Variants in CPNE4 observed in about 807,000 individuals in gnomAD.
CPNE4 encodes copine 4, also known as copine-4.
A neutral mutation model predicts 67.9 loss-of-function variants in CPNE4; 25 were observed. The ratio of observed to expected loss-of-function variants is 0.37; its 90% CI spans 0.27 to 0.51. The LOEUF (loss-of-function observed/expected upper bound fraction) is 0.51. CPNE4 is among the 20% of genes least tolerant of loss of function. The probability of loss-of-function intolerance (pLI) is 0.93; values close to 1 mark genes in which losing one functional copy is unlikely to be tolerated. For synonymous variants in CPNE4, 242 were observed against 244.9 expected (o/e 0.99, Z 0.11); for missense variants, 464 against 690.8 (o/e 0.67, Z 3.68).
At chr3:131,590,091 G>A (rs1005866654) in intron 7 of CPNE4, among the ~76,000 whole-genome samples, 7 of 152,048 alleles carry the variant, frequency 4.6e-5, no homozygotes, top group Non-Finnish European at 8.8e-5. Context: ...ATTTATATAC[G>A]TCACCCTTCC....
At chr3:131,833,473 C>G (rs761590246) in intron 2 of CPNE4, among the ~76,000 whole-genome samples, 5 of 152,154 alleles carry the variant, frequency 3.3e-5, no homozygotes, top group Non-Finnish European at 7.3e-5. Flanking sequence ...GCAGGCGGAT[C>G]ACTTGAGCCC....
intron 1 of CPNE4, among the ~76,000 whole-genome samples, chr3:131,978,448 A>T (rs796763423): frequency 1.0e-3 from 2 of 1,962 alleles, no homozygotes; most frequent in Admixed American, 3.5e-3. Flanking sequence ...ATATATATTT[A>T]TATATATATT....
At chr3:131,607,900 T>C (rs530109198) in intron 7 of CPNE4, among the ~76,000 whole-genome samples, 1 of 152,260 alleles carries the variant, frequency 6.6e-6, no homozygotes, top group Admixed American at 6.5e-5. Context: ...AAGGAAGCAG[T>C]CATTCTTAGG....
chr3:131,979,051 A>G (rs1003004977), intron 1 of CPNE4, among the ~76,000 whole-genome samples: 21 of 152,010 alleles, frequency 1.4e-4, no homozygotes, highest in African/African-American at 4.8e-4. Context: ...GTGGTCTGAG[A>G]GAGTGCTTGA....
At chr3:131,575,681 T>C (rs1041774898) in intron 9 of CPNE4, among the ~76,000 whole-genome samples, 3 of 152,166 alleles carry the variant, frequency 2.0e-5, no homozygotes, top group African/African-American at 7.2e-5. Context: ...TTTACCTCAT[T>C]TAATTCTCAG....
chr3:131,981,599 T>C (rs935801927), intron 1 of CPNE4, among the ~76,000 whole-genome samples: 1 of 152,172 alleles, frequency 6.6e-6, no homozygotes, highest in African/African-American at 2.4e-5. Context: ...TCCCCCGAGT[T>C]CTGGCCAGAA....
At chr3:131,895,415 C>T (rs1435639288) in intron 2 of CPNE4, among the ~76,000 whole-genome samples, 1 of 152,038 alleles carries the variant, frequency 6.6e-6, no homozygotes, top group Non-Finnish European at 1.5e-5. Context: ...GCATATACTA[C>T]TCTGACTGGA....
chr3:131,746,861 TG>T (rs1275078028), intron 2 of CPNE4, among the ~76,000 whole-genome samples: 4 of 152,194 alleles, frequency 2.6e-5, no homozygotes, highest in African/African-American at 9.6e-5. Flanking sequence ...TTTCCCATAA[TG>T]GCTGTATTAA....
intron 10 of CPNE4, among the ~76,000 whole-genome samples, chr3:131,565,077 T>C (rs948088206): frequency 2.6e-5 from 4 of 151,930 alleles, no homozygotes; most frequent in Non-Finnish European, 4.4e-5. Context: ...TAAGTAAACG[T>C]TGAGTCACTG....
intron 2 of CPNE4, among the ~76,000 whole-genome samples, chr3:131,751,775 G>GT (rs767616654): frequency 2.1e-4 from 23 of 109,812 alleles, no homozygotes; most frequent in African/African-American, 5.1e-4. Flanking sequence ...TTTTTTTTTT[G>GT]TTTTTTTGTT....
chr3:131,863,674 T>C (rs1025180005), intron 2 of CPNE4, among the ~76,000 whole-genome samples: 1 of 152,228 alleles, frequency 6.6e-6, no homozygotes, highest in African/African-American at 2.4e-5. Context: ...ACTCTGATGA[T>C]AGTTTCTTTT....
intron 6 of CPNE4, among the ~76,000 whole-genome samples, chr3:131,679,589 A>G (rs2080683906): frequency 6.6e-6 from 1 of 152,184 alleles, no homozygotes; most frequent in African/African-American, 2.4e-5. Flanking sequence ...CCCTCTTAAT[A>G]CTGCTTTAAC....
intron 2 of CPNE4, among the ~76,000 whole-genome samples, chr3:131,791,602 C>T (rs529425636): frequency 6.6e-6 from 1 of 152,074 alleles, no homozygotes; most frequent in Non-Finnish European, 1.5e-5. Context: ...TTTGAAAAAG[C>T]GTAAGAAGTA....
chr3:131,563,167 C>T (rs1936875176), intron 11 of CPNE4, among the ~76,000 whole-genome samples: 1 of 151,952 alleles, frequency 6.6e-6, no homozygotes, highest in Admixed American at 6.6e-5. Flanking sequence ...ATGATTATCA[C>T]CAATTATGAC....
At chr3:131,808,302 A>C (rs1414335593) in intron 2 of CPNE4, among the ~76,000 whole-genome samples, 1 of 152,236 alleles carries the variant, frequency 6.6e-6, no homozygotes, top group African/African-American at 2.4e-5. Flanking sequence ...GAACTCTCAG[A>C]CAGAGGATTT....
chr3:131,721,458 C>T (rs187795991), intron 3 of CPNE4, among the ~76,000 whole-genome samples: 1 of 145,766 alleles, frequency 6.9e-6, no homozygotes, highest in African/African-American at 2.5e-5. Context: ...CGCACTGGCA[C>T]GATCTCGGCT....
intron 7 of CPNE4, among the ~76,000 whole-genome samples, chr3:131,639,557 G>A (rs543637636): frequency 6.6e-6 from 1 of 152,074 alleles, no homozygotes; most frequent in South Asian, 2.1e-4. Context: ...GATGGATTTG[G>A]ACCTGAATTC....
chr3:131,633,479 T>G (rs1035490577), intron 7 of CPNE4, among the ~76,000 whole-genome samples: 3 of 152,228 alleles, frequency 2.0e-5, no homozygotes, highest in Non-Finnish European at 2.9e-5. Flanking sequence ...GACCATGTTC[T>G]GTGACTATTA....
chr3:131,923,355 T>C (rs892083780), intron 1 of CPNE4, among the ~76,000 whole-genome samples: 2 of 152,122 alleles, frequency 1.3e-5, no homozygotes, highest in Admixed American at 6.6e-5. Context: ...TCACTAGTTC[T>C]GAGAATGTGG....
Sources: allele counts gnomAD v4.1 joint callset (sites outside exome capture counted in the v4.1 genomes callset), GRCh38; gene constraint gnomAD v4.1.1; transcripts MANE v1.5; gene names NCBI Gene and HGNC (gene_info 2026-07-23, HGNC 2026-07-21).